The following STK3 variants were observed in gnomAD, a reference collection of about 807,000 sequenced individuals.
STK3 encodes the protein serine/threonine-protein kinase 3.
Under a neutral mutation model 58.0 loss-of-function variants are expected in STK3, and 41 were observed. The observed-to-expected ratio is 0.71, with a 90% CI of 0.55 to 0.92. STK3 has a LOEUF of 0.92. Among genes scored for constraint, STK3 ranks in the 40% least tolerant of loss-of-function variants. The pLI is 0.00. For missense variants in STK3, 479 were observed against 602.7 expected, an observed-to-expected ratio of 0.79 and a Z score of 2.15; for synonymous variants, 170 against 191.0, an observed-to-expected ratio of 0.89 and a Z score of 0.91.
At chr8:98,796,384 T>C (rs895257120) in intron 1 of STK3, among the ~76,000 whole-genome samples, 1 of 151,964 alleles carries the variant, frequency 6.6e-6, no homozygotes, top group African/African-American at 2.4e-5. Flanking sequence ...ACAAAAGCAA[T>C]AGGGAAAGGA....
chr8:98,499,734 T>A (rs1461509058), intron 10 of STK3, among the ~76,000 whole-genome samples: 1 of 152,174 alleles, frequency 6.6e-6, no homozygotes, highest in African/African-American at 2.4e-5. Context: ...GGAAAGGAGA[T>A]TTGTCATATA....
intron 1 of STK3, among the ~76,000 whole-genome samples, chr8:98,439,918 A>G (rs1374438967): frequency 6.6e-6 from 1 of 152,210 alleles, no homozygotes; most frequent in East Asian, 1.9e-4. Flanking sequence ...TGCATTTGTC[A>G]TCTGCCATGC....
At position 98,646,239 on chromosome 8, in the gene STK3, T is replaced by C. The variant is rs541677161; in HGVS notation, c.685-50070A>G. ...CTCCTTTCCTTGGTCTTCCCCTTTC[T>C]AGACAAGAATTCCTGTTATTATCTC... On this transcript the variant is annotated intron_variant, in intron 6 of 10. Transcript: ENST00000419617. 1.8e-4 allele frequency among the ~76,000 whole-genome samples: 28 copies of C among 152,356 alleles called. 1 individual carries two copies. Among genetic ancestry groups the C allele is most frequent in the African/African-American group, 6.5e-4 (27 of 41,590 alleles).
chr8:98,416,941 A>G (rs1818121104), intron 3 of STK3, among the ~76,000 whole-genome samples: 2 of 152,174 alleles, frequency 1.3e-5, no homozygotes, highest in African/African-American at 2.4e-5. Flanking sequence ...TCCTGGGGGA[A>G]TCCTCCAGAG....
intron 8 of STK3, among the ~76,000 whole-genome samples, chr8:98,562,067 G>A (rs1812080914): frequency 6.6e-6 from 1 of 152,112 alleles, no homozygotes; most frequent in Non-Finnish European, 1.5e-5. Flanking sequence ...TTGGTTAGTA[G>A]GAATATAAAA....
intron 3 of STK3, among the ~76,000 whole-genome samples, chr8:98,855,692 G>C (rs998577454): frequency 2.0e-5 from 3 of 152,114 alleles, no homozygotes; most frequent in South Asian, 2.1e-4. Context: ...CTTTTGTGTT[G>C]AGGGGCTTGT....
At position 98,919,186 on chromosome 8, in the gene STK3, T is replaced by C. The variant is rs111791607; in HGVS notation, c.-79+23192A>G. ...TTGAGGGACCCCTCATATGCCTCCC[T>C]TACCACAGCCTGCCACAAGATCTCA... On this transcript the variant is annotated intron_variant, in intron 1 of 1. Transcript: ENST00000519420. Among the ~76,000 whole-genome samples, 265 of 152,310 alleles carry C rather than the reference T, an allele frequency of 1.7e-3. 1 individual carries two copies. Among genetic ancestry groups the C allele is most frequent in the African/African-American group, 6.0e-3 (251 of 41,568 alleles).
chr8:98,888,344 A>G (rs1400811732), intron 1 of STK3, among the ~76,000 whole-genome samples: 1 of 152,102 alleles, frequency 6.6e-6, no homozygotes, highest in African/African-American at 2.4e-5. Context: ...TAAAATAAAT[A>G]AATAAAGTCA....
intron 6 of STK3, among the ~76,000 whole-genome samples, chr8:98,617,867 C>T (rs1258397404): frequency 3.9e-5 from 6 of 152,158 alleles, no homozygotes; most frequent in Non-Finnish European, 5.9e-5. Context: ...GATTCACAGC[C>T]GAATTCTACC....
At chr8:98,721,688 C>T (rs1434463408) in intron 4 of STK3, among the ~76,000 whole-genome samples, 1 of 151,784 alleles carries the variant, frequency 6.6e-6, no homozygotes, top group Non-Finnish European at 1.5e-5. Context: ...AGCTAATTAA[C>T]ATACATGGAA....
At chr8:98,400,777 A>T (rs188172805), downstream of STK3, among the ~76,000 whole-genome samples, 14,500 of 118,360 alleles carry the variant, frequency 0.12, 790 homozygotes, top group Non-Finnish European at 0.17. Context: ...TGTCTTTTTT[A>T]AAAAAAAAAT....
chr8:98,450,118 C>T (rs866101325), downstream of STK3, among the ~76,000 whole-genome samples: 5 of 152,152 alleles, frequency 3.3e-5, no homozygotes, highest in South Asian at 2.1e-4. Flanking sequence ...TTCTTTCCTC[C>T]GTGTATAGAG....
At chr8:98,399,690 G>C (rs1817925653), downstream of STK3, among the ~76,000 whole-genome samples, 1 of 152,198 alleles carries the variant, frequency 6.6e-6, no homozygotes, top group Non-Finnish European at 1.5e-5. Flanking sequence ...TTCATCTAAA[G>C]ATAATTCACC....
At chr8:98,858,327 G>T (rs867454438) in intron 3 of STK3, among the ~76,000 whole-genome samples, 366 of 85,528 alleles carry the variant, frequency 4.3e-3, no homozygotes, top group East Asian at 0.013. Context: ...TATATATAGA[G>T]AGAGAGAGAG....
At chr8:98,385,756 A>T (rs1017578406) in intron 1 of STK3, among the ~76,000 whole-genome samples, 35 of 152,310 alleles carry the variant, frequency 2.3e-4, no homozygotes, top group African/African-American at 8.4e-4. Context: ...CCTGAAAAAG[A>T]GAAAATATTT....
intron 6 of STK3, among the ~76,000 whole-genome samples, chr8:98,618,198 G>A (rs201351722): frequency 1.3e-5 from 2 of 151,448 alleles, no homozygotes; most frequent in East Asian, 1.9e-4. Flanking sequence ...TATAAACAGA[G>A]CCAAAGACAA....
At chr8:98,855,422 C>A (rs190957223) in intron 3 of STK3, among the ~76,000 whole-genome samples, 2 of 152,246 alleles carry the variant, frequency 1.3e-5, no homozygotes, top group African/African-American at 4.8e-5. Flanking sequence ...GAAAGAATGT[C>A]TTTTCAATAA....
intron 10 of STK3, among the ~76,000 whole-genome samples, chr8:98,468,337 T>C (rs1038789811): frequency 6.6e-6 from 1 of 152,226 alleles, no homozygotes; most frequent in Non-Finnish European, 1.5e-5. Flanking sequence ...GGTTTGTGGC[T>C]GAAACAATAT....
In STK3 at chr8:98,602,000, A is replaced by G. The variant is rs574364591; in HGVS notation, c.685-5831T>C. 1.2e-4 allele frequency among the ~76,000 whole-genome samples: 18 copies of G among 152,358 alleles called. No homozygotes were observed. In the East Asian group the frequency reaches 3.1e-3, roughly 26 times the overall value. The stretch of plus-strand genomic sequence containing the variant: ...TGACGACAAGGCACAATATTTTCTT[A>G]CATCTCCCAAGCAATTCCAATATGT... On this transcript the variant is annotated intron_variant, in intron 6 of 10. Transcript: ENST00000419617.
Sources: allele counts gnomAD v4.1 joint callset (sites outside exome capture counted in the v4.1 genomes callset), GRCh38; gene constraint gnomAD v4.1.1; transcripts MANE v1.5; gene names NCBI Gene and HGNC (gene_info 2026-07-23, HGNC 2026-07-21).